Variants in GTF2E1 observed in about 807,000 individuals in gnomAD.
The protein encoded by GTF2E1 is TFIIE alpha subunit.
In GTF2E1, 14 loss-of-function variants were observed where a neutral mutation model predicts 34.9. That is an observed-to-expected ratio of 0.40 (90% CI 0.27 to 0.63). GTF2E1 has a LOEUF of 0.63. Among genes scored for constraint, GTF2E1 ranks in the 20% least tolerant of loss-of-function variants. GTF2E1 has a pLI of 0.39. For synonymous variants in GTF2E1, 188 were observed against 192.9 expected, an observed-to-expected ratio of 0.97 and a Z score of 0.21; for missense variants, 469 against 557.7, an observed-to-expected ratio of 0.84 and a Z score of 1.60.
intron 3 of GTF2E1, among the ~76,000 whole-genome samples, chr3:120,772,659 G>A (rs10511403): frequency 0.073 from 11,160 of 152,140 alleles, 1,334 homozygotes; most frequent in East Asian, 0.46. Flanking sequence ...TGAAGTATGC[G>A]TCAGTGTAGT....
At chr3:120,759,204 T>C (rs889453358) in intron 2 of GTF2E1, among the ~76,000 whole-genome samples, 1 of 152,224 alleles carries the variant, frequency 6.6e-6, no homozygotes, top group Non-Finnish European at 1.5e-5. Flanking sequence ...TCATCTATGC[T>C]GCATATGCAT....
chr3:120,758,957 A>G (rs1178229831), intron 2 of GTF2E1, among the ~76,000 whole-genome samples: 1 of 152,166 alleles, frequency 6.6e-6, no homozygotes, highest in Non-Finnish European at 1.5e-5. Flanking sequence ...GGCTGGGTCA[A>G]ATGGTATTTC....
chr3:120,777,869 G>A (rs182495763), intron 4 of GTF2E1, among the ~76,000 whole-genome samples: 3 of 152,252 alleles, frequency 2.0e-5, no homozygotes, highest in Admixed American at 6.5e-5. Context: ...GGAATTGGGC[G>A]CAAGCCACCA....
Position 120,765,600 on chromosome 3 carries a change from A to G in GTF2E1, c.449-5128A>G, listed in dbSNP as rs188214481. On this transcript the variant is annotated intron_variant, in intron 2 of 4. Transcript: ENST00000283875. ...GAATTTAGTCTTTTGAGACAGAAAGATTTGTATTTGAATCCAAGTTTAGTG... is the reference window on the plus strand; with the variant it reads ...GAATTTAGTCTTTTGAGACAGAAAGGTTTGTATTTGAATCCAAGTTTAGTG... Among the ~76,000 whole-genome samples, 8 of 152,314 alleles carry G rather than the reference A, an allele frequency of 5.3e-5. 1 individual carries two copies. The highest frequency in any genetic ancestry group is 3.9e-4 in the Admixed American group (6 of 15,290).
chr3:120,767,788 GT>G (rs1419962449), intron 2 of GTF2E1, among the ~76,000 whole-genome samples: 1 of 152,100 alleles, frequency 6.6e-6, no homozygotes, highest in Non-Finnish European at 1.5e-5. Flanking sequence ...AGTAACTCCT[GT>G]TAAGTTTGGA....
chr3:120,752,019 A>G (rs917472884), intron 2 of GTF2E1, among the ~76,000 whole-genome samples: 1 of 152,122 alleles, frequency 6.6e-6, no homozygotes, highest in African/African-American at 2.4e-5. Flanking sequence ...TAATTAAAAA[A>G]AATTTTTAAG....
chr3:120,770,743 C>G lies in GTF2E1; in HGVS notation c.464C>G (p.Thr155Ser), dbSNP rs761333018. The G allele has an allele frequency of 2.5e-6, 4 of 1,612,960 alleles. No homozygotes were observed. Among genetic ancestry groups the G allele is most frequent in the Non-Finnish European group, 3.4e-6 (4 of 1,179,210 alleles). Residue 155 changes from threonine to serine, a missense_variant, in exon 3 of 5, where the codon ACT (threonine) becomes AGT (serine). Thr to Ser is a moderately conservative substitution (Grantham distance 58). Transcript: ENST00000283875. ...FDPMTGTFRC[T>S]FCHTEVEEDE... is the part of the protein sequence containing the mutation. ...TTCTCTGTAGGAACTTTCCGCTGTACTTTTTGCCATACAGAGGTAGAAGAG... is the reference window on the plus strand; with the variant it reads ...TTCTCTGTAGGAACTTTCCGCTGTAGTTTTTGCCATACAGAGGTAGAAGAG...
Position 120,770,257 on chromosome 3 carries a change from A to G in GTF2E1, c.449-471A>G, listed in dbSNP as rs561679350. ...AATAGATTGAATTGATTAGATACAA[A>G]TGGTTAATAAATTTTAAAAAATAGC... On this transcript the variant is annotated intron_variant, in intron 2 of 4. Coordinates refer to ENST00000283875, the MANE Select transcript of GTF2E1 (RefSeq NM_005513.3). 6.6e-5 allele frequency among the ~76,000 whole-genome samples: 10 copies of G among 152,270 alleles called. No homozygotes were observed. The East Asian group carries it at 1.2e-3, about 18-fold the overall frequency.
rs914180842 is a variant in GTF2E1 at position 120,746,246 on chromosome 3, C to T, written c.-31+3452C>T. On this transcript the variant is annotated intron_variant, in intron 1 of 4. Transcript: ENST00000283875. ...GTATTAATAACAGAATATGATTCTCCATTGAAATAGTTCAATGGGATGTCT... is the reference window on the plus strand; with the variant it reads ...GTATTAATAACAGAATATGATTCTCTATTGAAATAGTTCAATGGGATGTCT... 1.3e-3 allele frequency among the ~76,000 whole-genome samples: 204 copies of T among 152,178 alleles called. 3 individuals are homozygous for T. The highest frequency in any genetic ancestry group is 4.3e-3 in the African/African-American group (179 of 41,516).
chr3:120,750,445 T>C, intron 1 of GTF2E1, 78 bp from the exon 2 acceptor site: 1 of 824,598 alleles, frequency 1.2e-6, no homozygotes, highest in Middle Eastern at 2.4e-4. Flanking sequence ...TTGGGTACTT[T>C]TCTGGCACTG....
At chr3:120,748,714 G>A (rs1709132985) in intron 1 of GTF2E1, among the ~76,000 whole-genome samples, 1 of 152,296 alleles carries the variant, frequency 6.6e-6, no homozygotes, top group East Asian at 1.9e-4. Context: ...TTTTGGCTTA[G>A]GATTGACTTG....
In GTF2E1 at chr3:120,776,426, G is replaced by A. The variant is rs142423338; in HGVS notation, c.654G>A (p.Lys218=). The A allele has an allele frequency of 7.8e-5, 125 of 1,612,350 alleles. No individual in the cohort carries two copies. The African/African-American group carries it at 1.6e-3, about 21-fold the overall frequency. The change falls in exon 4 of 5, where the codon AAG becomes AAA. Residue 218 remains lysine (K), a synonymous_variant. Transcript: ENST00000283875. ...CTCCTCTATTCTTTTTATATAGCAA[G>A]GACCATGCAGCAACTACTGCTGGAG... ...PTEIPALKQS[K]DHAATTAGAA... is the part of the protein sequence containing the mutation.
At chr3:120,758,376 T>A (rs1020656002) in intron 2 of GTF2E1, among the ~76,000 whole-genome samples, 6 of 152,178 alleles carry the variant, frequency 3.9e-5, no homozygotes, top group African/African-American at 1.4e-4. Flanking sequence ...CCAGAAGCCC[T>A]TTAGAAATCT....
At chr3:120,745,886 C>A (rs1387344966) in intron 1 of GTF2E1, among the ~76,000 whole-genome samples, 1 of 152,146 alleles carries the variant, frequency 6.6e-6, no homozygotes, top group Non-Finnish European at 1.5e-5. Context: ...CCAGGTACTT[C>A]CCAGGCATCC....
intron 2 of GTF2E1, among the ~76,000 whole-genome samples, chr3:120,762,872 G>A (rs1709276352): frequency 6.6e-6 from 1 of 152,050 alleles, no homozygotes; most frequent in Non-Finnish European, 1.5e-5. Context: ...CTTTGATTTG[G>A]AACATATTTG....
chr3:120,758,585 C>CA (rs35042167), intron 2 of GTF2E1, among the ~76,000 whole-genome samples: 2 of 151,500 alleles, frequency 1.3e-5, no homozygotes, highest in South Asian at 2.1e-4. Flanking sequence ...CTCCCACCCC[C>CA]GACAGGCCCT....
chr3:120,755,493 A>G (rs73183714), intron 2 of GTF2E1, among the ~76,000 whole-genome samples: 3,245 of 152,208 alleles, frequency 0.021, 55 homozygotes, highest in Middle Eastern at 0.054. Context: ...AATTAAAAGA[A>G]ATTTTTTGTG....
chr3:120,779,307 A>G (rs1460231890), intron 4 of GTF2E1, among the ~76,000 whole-genome samples: 1 of 152,244 alleles, frequency 6.6e-6, no homozygotes, highest in African/African-American at 2.4e-5. Flanking sequence ...ACATTCTTTT[A>G]GAAGCAATTA....
rs1044711106 is a variant in GTF2E1, at chr3:120,770,900, A to G, written c.621A>G (p.Glu207=). The G allele has an allele frequency of 1.9e-6, 3 of 1,613,558 alleles. No individual in the cohort carries two copies. The highest frequency in any genetic ancestry group is 2.2e-5 in the South Asian group (2 of 91,080). Reference sequence around the variant, plus strand: ...TGGCCTATGAAATACTTGAGCCAGAACCCACAGAAATCCCAGCCCTGAAAC... The same window carrying G: ...TGGCCTATGAAATACTTGAGCCAGAGCCCACAGAAATCCCAGCCCTGAAAC... ...VNLAYEILEP[E]PTEIPALKQS... is the part of the protein sequence containing the mutation. The change falls in exon 3 of 5, where the codon GAA becomes GAG. Residue 207 remains glutamate (E), a synonymous_variant. Transcript: ENST00000283875.
Sources: gnomAD v4.1 joint callset for allele counts (sites outside exome capture counted in the v4.1 genomes callset) on GRCh38, gnomAD v4.1.1 for gene constraint, MANE v1.5 for transcripts, NCBI Gene and HGNC (gene_info 2026-07-23, HGNC 2026-07-21) for gene names.